The following TACC3 variants were observed in gnomAD, a reference collection of about 807,000 sequenced individuals.
TACC3 encodes the protein transforming acidic coiled-coil containing protein 3, also known as transforming acidic coiled-coil-containing protein 3.
TACC3 carries 52 observed loss-of-function variants against 86.0 expected under a neutral mutation model. The observed-to-expected ratio is 0.60, with a 90% CI of 0.48 to 0.76. The LOEUF (loss-of-function observed/expected upper bound fraction) is 0.76. Ranked by LOEUF, TACC3 falls within the 30% of genes least tolerant of loss-of-function variation. The pLI is 0.00. For synonymous variants in TACC3, 512 were observed against 430.0 expected (o/e 1.19, Z -2.36); for missense variants, 1,120 against 1,070.4 (o/e 1.05, Z -0.65).
intron 1 of TACC3, among the ~76,000 whole-genome samples, chr4:1,722,102 G>C (rs1370534264): frequency 6.6e-6 from 1 of 152,134 alleles, no homozygotes; most frequent in Non-Finnish European, 1.5e-5. Context: ...CTGCTGCGCC[G>C]CTCCACCTTC....
At chr4:1,741,253 A>G in intron 13 of TACC3, 1 of 330,562 alleles carries the variant, frequency 3.0e-6, no homozygotes, top group South Asian at 6.8e-5. Flanking sequence ...CTCGGCTATG[A>G]TCAGGCATCT....
chr4:1,732,285 C>T (rs139913691), intron 6 of TACC3, among the ~76,000 whole-genome samples: 8,032 of 130,664 alleles, frequency 0.061, 20 homozygotes, highest in Non-Finnish European at 0.083. Context: ...TTGGAGGCTG[C>T]AGTTAAATAA....
At chr4:1,725,900 G>A (rs935348506) in intron 3 of TACC3, among the ~76,000 whole-genome samples, 1 of 152,272 alleles carries the variant, frequency 6.6e-6, no homozygotes, top group African/African-American at 2.4e-5. Flanking sequence ...CAAGGTGGCA[G>A]CTGGGCAGCA....
chr4:1,736,280 G>A (rs893559965), intron 8 of TACC3, among the ~76,000 whole-genome samples: 14 of 151,892 alleles, frequency 9.2e-5, no homozygotes, highest in Non-Finnish European at 1.3e-4. Flanking sequence ...AAAATTAGCC[G>A]GGTGTGACGG....
chr4:1,731,089 C>T, intron 5 of TACC3, 83 bp from the exon 6 acceptor site: 3 of 1,599,292 alleles, frequency 1.9e-6, no homozygotes, highest in East Asian at 2.2e-5. Context: ...CCCAAGTCTA[C>T]TTCAACAAGG....
Position 1,728,212 on chromosome 4 carries a change from C to G in TACC3, c.810C>G (p.Gly270=). 1 of 1,611,758 alleles carries G rather than the reference C, an allele frequency of 6.2e-7. No homozygotes were observed. The highest frequency in any genetic ancestry group is 8.5e-7 in the Non-Finnish European group (1 of 1,179,522). The change falls in exon 4 of 16, where the codon GGC becomes GGG. Residue 270 remains glycine (G), a synonymous_variant. Transcript: ENST00000313288. The part of the protein sequence containing the change: ...CGGAPLQGLP[G]EALGCPAGVG... ...GAGCACCCCTGCAGGGTCTGCCTGG[C>G]GAAGCCCTGGGCTGCCCTGCGGGTG...
chr4:1,735,604 G>A lies in TACC3; in HGVS notation c.1645-127G>A. 2 of 808,938 alleles carry A rather than the reference G, an allele frequency of 2.5e-6. No individual in the cohort carries two copies. The highest frequency in any genetic ancestry group is 2.8e-5 in the South Asian group (2 of 71,552). 50.1% of individuals were successfully genotyped at this position (808,938 alleles called of 1,614,324 possible). ...TGGTGGTGTCTCGGGCAGGGTTGTGGGTGACCGGGGGTGGGAGTGTGCGGG... is the reference window on the plus strand; with the variant it reads ...TGGTGGTGTCTCGGGCAGGGTTGTGAGTGACCGGGGGTGGGAGTGTGCGGG... On this transcript the variant is annotated intron_variant, in intron 7 of 15. Transcript: ENST00000313288. The surrounding 1 kb of genome is among the most constrained non-coding windows in gnomAD (Gnocchi z 4.2).
intron 1 of TACC3, 142 bp from the exon 2 acceptor site, chr4:1,723,279 C>A: frequency 2.6e-6 from 2 of 778,686 alleles, no homozygotes; most frequent in East Asian, 2.7e-5. Flanking sequence ...CCAAGAGACA[C>A]GTGTGGGAGG....
At chr4:1,726,507 C>G (rs544974009) in intron 3 of TACC3, among the ~76,000 whole-genome samples, 131 of 152,352 alleles carry the variant, frequency 8.6e-4, no homozygotes, top group African/African-American at 3.1e-3. Flanking sequence ...AGCCACAGGA[C>G]AATGTTGACT....
chr4:1,724,527 G>T (rs1279699620), intron 3 of TACC3, among the ~76,000 whole-genome samples: 1 of 148,448 alleles, frequency 6.7e-6, no homozygotes, highest in African/African-American at 2.5e-5. Flanking sequence ...AGTAGCTGGG[G>T]CTACAGGCGC....
intron 3 of TACC3, 144 bp from the exon 4 acceptor site, chr4:1,727,557 AGGTGGGG>A: frequency 7.9e-7 from 1 of 1,267,634 alleles, no homozygotes; most frequent in Non-Finnish European, 1.1e-6. Flanking sequence ...TGAGGAACTG[AGGTGGGG>A]GGTGGAGAAC....
At chr4:1,736,422 C>CCAAA (rs1718265865) in intron 8 of TACC3, among the ~76,000 whole-genome samples, 1 of 65,826 alleles carries the variant, frequency 1.5e-5, no homozygotes, top group Non-Finnish European at 2.5e-5. Flanking sequence ...GACTCCATCT[C>CCAAA]AAAAAAAAAA....
chr4:1,736,951 C>A (rs1031765847), intron 8 of TACC3, among the ~76,000 whole-genome samples: 14 of 152,202 alleles, frequency 9.2e-5, no homozygotes, highest in East Asian at 1.9e-4. Context: ...TGAACAGCCC[C>A]CTGATGAGGC....
chr4:1,730,478 A>G (rs1228624542), intron 4 of TACC3: 1 of 357,754 alleles, frequency 2.8e-6, no homozygotes, highest in South Asian at 2.1e-5. Context: ...CTGTATATTT[A>G]TGATACTGGA....
rs1250922381 is a variant in TACC3, at chr4:1,744,724, G to C, written c.2343G>C (p.Glu781Asp). ...AEEKLQLANE[E>D]IAQVRSKAQA... is the part of the protein sequence containing the mutation. ...CCTACCCCTCCAGGGCAAACGAGGA[G>C]ATCGCCCAGGTCCGGAGCAAGGCCC... Residue 781 changes from glutamate (E) to aspartate (D), a missense_variant, in exon 15 of 16, where the codon GAG becomes GAC. Glu to Asp is a conservative substitution (Grantham distance 45). Coordinates refer to ENST00000313288, the MANE Select transcript of TACC3 (RefSeq NM_006342.3). 1 of 1,612,636 alleles carries C rather than the reference G, an allele frequency of 6.2e-7. No homozygotes were observed. Among genetic ancestry groups the C allele is most frequent in the East Asian group, 2.2e-5 (1 of 44,876 alleles).
rs1048055341 is a variant in TACC3 at position 1,745,115 on chromosome 4, T to C, written c.*102T>C. On this transcript the variant is annotated 3_prime_UTR_variant, in exon 16 of 16. Transcript: ENST00000313288. ...TTTTTCTGTCTTGTCTTCAACTTTT[T>C]TAAAAACTAGATTGCTTTGAAAACA... 1.6e-6 allele frequency: 2 copies of C among 1,268,152 alleles called. No individual in the cohort carries two copies. Among genetic ancestry groups the C allele is most frequent in the Admixed American group, 5.0e-5 (2 of 40,314 alleles). 78.6% of individuals were successfully genotyped at this position (1,268,152 alleles called of 1,614,324 possible). A position where few individuals can be genotyped will look rare whatever the true frequency, so the allele number is the denominator to read the frequency against.
chr4:1,740,222 C>A, intron 12 of TACC3: 1 of 598,550 alleles, frequency 1.7e-6, no homozygotes, highest in Non-Finnish European at 3.0e-6. Context: ...CAGGGCTTGG[C>A]AGGCCCCACA....
At chr4:1,734,343 G>A (rs1258199268) in intron 6 of TACC3, among the ~76,000 whole-genome samples, 4 of 151,806 alleles carry the variant, frequency 2.6e-5, no homozygotes, top group East Asian at 3.9e-4. Flanking sequence ...TCATGCCACC[G>A]TGCCCAACTA....
rs144776052 is a variant in TACC3, at chr4:1,744,729, C to A, written c.2348C>A (p.Ala783Asp). ...CCCTCCAGGGCAAACGAGGAGATCG[C>A]CCAGGTCCGGAGCAAGGCCCAGGCG... ...EKLQLANEEI[A>D]QVRSKAQAEA... is the part of the protein sequence containing the mutation. Residue 783 changes from alanine (A) to aspartate (D), a missense_variant, in exon 15 of 16, where the codon GCC becomes GAC. By Grantham distance (126) the Ala-to-Asp change is moderately radical. Transcript: ENST00000313288. 1.1e-3 allele frequency: 1,720 copies of A among 1,612,630 alleles called. 19 individuals carry two copies. The highest frequency in any genetic ancestry group is 0.01 in the South Asian group (926 of 91,066).
Sources: gnomAD v4.1 joint callset for allele counts (sites outside exome capture counted in the v4.1 genomes callset) on GRCh38, gnomAD v4.1.1 for gene constraint, Gnocchi (gnomAD v3.1) non-coding constraint, MANE v1.5 for transcripts, NCBI Gene and HGNC (gene_info 2026-07-23, HGNC 2026-07-21) for gene names.